Variants in MED12L observed in about 807,000 individuals in gnomAD.
MED12L encodes the protein mediator of RNA polymerase II transcription subunit 12-like protein.
Under a neutral mutation model 281.3 loss-of-function variants are expected in MED12L, and 60 were observed. That is an observed-to-expected ratio of 0.21 (90% CI 0.17 to 0.26). The LOEUF (loss-of-function observed/expected upper bound fraction) is 0.26, where lower values mean the gene tolerates loss of function less well. Among genes scored for constraint, MED12L ranks in the 10% least tolerant of loss-of-function variants. The pLI, the probability that MED12L is intolerant of heterozygous loss-of-function variation, is 1.00. For synonymous variants in MED12L, 974 were observed against 987.2 expected (o/e 0.99, Z 0.25); for missense variants, 2,146 against 2,680.9 (o/e 0.80, Z 4.41).
intron 16 of MED12L, among the ~76,000 whole-genome samples, chr3:151,195,516 A>G (rs1333493475): frequency 6.6e-6 from 1 of 152,174 alleles, no homozygotes; most frequent in Non-Finnish European, 1.5e-5. Context: ...TCACTGCCTG[A>G]ATAATATCTA....
At chr3:151,324,572 C>T (rs1475040042) in intron 16 of MED12L, among the ~76,000 whole-genome samples, 1 of 152,186 alleles carries the variant, frequency 6.6e-6, no homozygotes, top group African/African-American at 2.4e-5. Flanking sequence ...ATGGCAAGCT[C>T]TGTGACCTCA....
intron 44 of MED12L, among the ~76,000 whole-genome samples, chr3:151,430,608 T>C (rs1187440199): frequency 6.7e-6 from 1 of 150,188 alleles, no homozygotes. Flanking sequence ...GAAGATACTT[T>C]CTTTTTGCTT....
intron 16 of MED12L, among the ~76,000 whole-genome samples, chr3:151,323,569 G>T (rs1485257779): frequency 6.6e-6 from 1 of 152,100 alleles, no homozygotes; most frequent in Non-Finnish European, 1.5e-5. Context: ...TGTGCCGCAG[G>T]GTTCCCTTTT....
intron 16 of MED12L, among the ~76,000 whole-genome samples, chr3:151,304,009 G>A (rs979801491): frequency 1.3e-5 from 2 of 152,194 alleles, no homozygotes; most frequent in African/African-American, 4.8e-5. Context: ...ACAGCAAAGT[G>A]CCACTGGATG....
chr3:151,134,560 C>T (rs1220829646), intron 5 of MED12L, among the ~76,000 whole-genome samples: 1 of 152,084 alleles, frequency 6.6e-6, no homozygotes, highest in Non-Finnish European at 1.5e-5. Context: ...TGCATCCAAA[C>T]AATCAAATAT....
chr3:151,399,102 T>G (rs1225989053), intron 39 of MED12L, among the ~76,000 whole-genome samples: 1 of 152,170 alleles, frequency 6.6e-6, no homozygotes, highest in African/African-American at 2.4e-5. Context: ...TAGATGGGAC[T>G]CAGTACAATG....
chr3:151,251,539 G>C (rs929394330), intron 16 of MED12L, among the ~76,000 whole-genome samples: 1 of 152,138 alleles, frequency 6.6e-6, no homozygotes. Context: ...AAGCAGCACT[G>C]TGTCCCTTTT....
intron 43 of MED12L, chr3:151,425,407 A>C (rs1315038199): frequency 4.3e-6 from 1 of 231,510 alleles, no homozygotes; most frequent in Non-Finnish European, 8.8e-6. Context: ...TTTTAATTTT[A>C]ATTTATTTTA....
chr3:151,276,195 A>T (rs908101358), intron 16 of MED12L, among the ~76,000 whole-genome samples: 2 of 152,244 alleles, frequency 1.3e-5, no homozygotes, highest in Admixed American at 1.3e-4. Flanking sequence ...AGGGCTTGTT[A>T]AAAGAGATTG....
At chr3:151,123,398 G>T (rs562456804) in intron 4 of MED12L, among the ~76,000 whole-genome samples, 1 of 152,290 alleles carries the variant, frequency 6.6e-6, no homozygotes, top group Admixed American at 6.5e-5. Flanking sequence ...TACCAAGCAA[G>T]ATAAAGATTG....
chr3:151,415,659 C>G (rs151067212), intron 42 of MED12L, among the ~76,000 whole-genome samples: 1 of 152,198 alleles, frequency 6.6e-6, no homozygotes, highest in African/African-American at 2.4e-5. Context: ...TTTTAAAGGT[C>G]ATTGAAACAA....
intron 16 of MED12L, among the ~76,000 whole-genome samples, chr3:151,304,080 C>T (rs942300515): frequency 2.0e-5 from 3 of 152,018 alleles, no homozygotes; most frequent in Admixed American, 6.6e-5. Flanking sequence ...CTGGGGGGCC[C>T]AGGGTGTTTT....
intron 16 of MED12L, among the ~76,000 whole-genome samples, chr3:151,238,049 C>G (rs1388509858): frequency 6.6e-6 from 1 of 152,174 alleles, no homozygotes; most frequent in Non-Finnish European, 1.5e-5. Flanking sequence ...TTTTAAGGAT[C>G]AAATTATCGT....
intron 44 of MED12L, among the ~76,000 whole-genome samples, chr3:151,431,622 C>T (rs1047858379): frequency 5.3e-5 from 8 of 152,058 alleles, no homozygotes; most frequent in African/African-American, 1.9e-4. Context: ...TTCCAGAATC[C>T]TTATTCTTAT....
intron 16 of MED12L, among the ~76,000 whole-genome samples, chr3:151,312,911 A>G (rs994392106): frequency 1.3e-5 from 2 of 152,194 alleles, no homozygotes; most frequent in Non-Finnish European, 2.9e-5. Context: ...TTCAAACTTG[A>G]CATGTAGTAA....
chr3:151,093,337 C>T (rs2148622970), intron 2 of MED12L, among the ~76,000 whole-genome samples: 2 of 152,216 alleles, frequency 1.3e-5, no homozygotes, highest in South Asian at 4.1e-4. Context: ...CCACCTCTAC[C>T]CCAGAAATGC....
At chr3:151,279,260 A>G (rs1742417437) in intron 16 of MED12L, among the ~76,000 whole-genome samples, 1 of 152,354 alleles carries the variant, frequency 6.6e-6, no homozygotes, top group South Asian at 2.1e-4. Flanking sequence ...ATGGGTAACA[A>G]CTAGTAAAGT....
chr3:151,369,372 T>C (rs1180893678), intron 25 of MED12L, 64 bp from the exon 26 acceptor site: 11 of 1,176,918 alleles, frequency 9.3e-6, no homozygotes, highest in Non-Finnish European at 1.3e-5. Context: ...TGACTGCCTG[T>C]AAATAATTAC....
chr3:151,430,450 G>C lies in MED12L; in HGVS notation c.6490+70G>C, dbSNP rs186249789. On this transcript the variant is annotated intron_variant, in intron 44 of 44. Transcript: ENST00000687756. ...TAAAAATAAGCCAGCGAAACGTAAA[G>C]TGGCGGCTCTCCCAAGATGGTACCA... 250 of 1,601,392 alleles carry C rather than the reference G, an allele frequency of 1.6e-4. 2 individuals carry two copies. The East Asian group carries it at 5.1e-3, about 33-fold the overall frequency.
Sources: allele counts gnomAD v4.1 joint callset (sites outside exome capture counted in the v4.1 genomes callset), GRCh38; gene constraint gnomAD v4.1.1; transcripts MANE v1.5; gene names NCBI Gene and HGNC (gene_info 2026-07-23, HGNC 2026-07-21).